Variants in DNM1L observed in about 807,000 individuals in gnomAD.
DNM1L encodes the protein dynamin 1L.
Under a neutral mutation model 92.8 loss-of-function variants are expected in DNM1L, and 33 were observed. The ratio of observed to expected loss-of-function variants is 0.36; its 90% CI spans 0.27 to 0.48. DNM1L has a LOEUF of 0.48. Ranked by LOEUF, DNM1L falls within the 20% of genes least tolerant of loss-of-function variation. The pLI, the probability that DNM1L is intolerant of heterozygous loss-of-function variation, is 0.99. For synonymous variants in DNM1L, 284 were observed against 305.0 expected, an observed-to-expected ratio of 0.93 and a Z score of 0.72; for missense variants, 485 against 888.8, an observed-to-expected ratio of 0.55 and a Z score of 5.78.
In DNM1L at chr12:32,743,389, C is replaced by A; in HGVS notation, c.2190C>A (p.Ile730=). 1 of 1,613,918 alleles carries A rather than the reference C, an allele frequency of 6.2e-7. No homozygotes were observed. Among genetic ancestry groups the A allele is most frequent in the South Asian group, 1.1e-5 (1 of 91,068 alleles). The change falls in exon 20 of 20, where the codon ATC becomes ATA. Residue 730 remains isoleucine, a synonymous_variant. Transcript: ENST00000549701. ...GAGCCAGTCAAATTATTGCTGAAAT[C>A]CGGGAGACTCATCTTTGGTGAAGAG... is the stretch of plus-strand genomic sequence containing the variant. ...LQGASQIIAE[I]RETHLW
chr12:32,689,514 A>T (rs1952150058), intron 1 of DNM1L, among the ~76,000 whole-genome samples: 2 of 152,206 alleles, frequency 1.3e-5, no homozygotes, highest in Non-Finnish European at 2.9e-5. Context: ...AAATACCATA[A>T]GATTAACATT....
intron 14 of DNM1L, 98 bp downstream of exon 14, chr12:32,737,259 C>T: frequency 8.2e-7 from 1 of 1,224,206 alleles, no homozygotes; most frequent in South Asian, 1.3e-5. Flanking sequence ...TCTTCTTTTC[C>T]TCCCTTTAAC....
chr12:32,729,348 T>C (rs1006137587), intron 9 of DNM1L, among the ~76,000 whole-genome samples: 2 of 152,158 alleles, frequency 1.3e-5, no homozygotes, highest in Non-Finnish European at 2.9e-5. Context: ...CCCAAAGTGC[T>C]GGGATTACAG....
intron 14 of DNM1L, chr12:32,737,474 T>G (rs1482835639): frequency 1.8e-5 from 7 of 392,474 alleles, no homozygotes; most frequent in Non-Finnish European, 3.2e-5. Context: ...ACTCAAGATT[T>G]TATTATAATA....
chr12:32,701,762 C>T (rs1035055355), intron 2 of DNM1L, among the ~76,000 whole-genome samples, 200 bp downstream of exon 2: 1 of 151,768 alleles, frequency 6.6e-6, no homozygotes, highest in African/African-American at 2.4e-5. Flanking sequence ...AGGTCTTACT[C>T]TGTCGCCCAG....
intron 2 of DNM1L, chr12:32,705,458 TCTGTAACTGA>T (rs1238905098): frequency 5.6e-6 from 1 of 179,572 alleles, no homozygotes; most frequent in Non-Finnish European, 1.1e-5. Flanking sequence ...AGGAGTTCCA[TCTGTAACTGA>T]CTGAACAGTC....
At chr12:32,701,101 C>G (rs989423278) in intron 1 of DNM1L, among the ~76,000 whole-genome samples, 42 of 152,012 alleles carry the variant, frequency 2.8e-4, no homozygotes, top group Admixed American at 2.0e-3. Flanking sequence ...ATGGAGAAAC[C>G]CCGTCTCTAC....
intron 6 of DNM1L, among the ~76,000 whole-genome samples, chr12:32,714,047 A>G (rs1360371607): frequency 6.6e-6 from 1 of 152,162 alleles, no homozygotes; most frequent in Non-Finnish European, 1.5e-5. Flanking sequence ...TATATATAAA[A>G]TGCTAGCTTG....
Position 32,720,813 on chromosome 12 carries a change from T to C in DNM1L, c.872+18T>C. The C allele has an allele frequency of 6.2e-7, 1 of 1,612,076 alleles. No individual in the cohort carries two copies. On this transcript the variant is annotated intron_variant, in intron 8 of 19. Coordinates refer to ENST00000549701, the MANE Select transcript of DNM1L (RefSeq NM_012062.5). ...CTAAACAGGTAATTTTTTTACCTTT[T>C]GGAAATGAGATGTGTTTGTTTTTAC...
rs534971625 is a variant in DNM1L at position 32,727,299 on chromosome 12, T to G, written c.1080-3715T>G. 1.4e-4 allele frequency: 150 copies of G among 1,052,828 alleles called. No individual in the cohort carries two copies. In the Middle Eastern group the frequency reaches 2.1e-3, roughly 15 times the overall value. The allele number at this position is 1,052,828 out of a possible 1,614,324, so 65.2% of individuals were successfully genotyped here. A position where few individuals can be genotyped will look rare whatever the true frequency, so the allele number is the denominator to read the frequency against. ...GAATTTGGCTTCTATCTGTGCACCT[T>G]TAACTTGCAGGTTTTTGAGAGCATT... On this transcript the variant is annotated intron_variant, in intron 9 of 19. Coordinates refer to ENST00000549701, the MANE Select transcript of DNM1L (RefSeq NM_012062.5).
At chr12:32,695,468 T>G (rs1952405959) in intron 1 of DNM1L, among the ~76,000 whole-genome samples, 1 of 152,094 alleles carries the variant, frequency 6.6e-6, no homozygotes, top group Non-Finnish European at 1.5e-5. Context: ...GATAGTGAAG[T>G]ATTATAAATA....
intron 19 of DNM1L, 138 bp downstream of exon 19, chr12:32,742,886 ATCTTT>A: frequency 1.3e-5 from 8 of 606,272 alleles, no homozygotes; most frequent in African/African-American, 2.3e-5. Flanking sequence ...CTTGATAAGA[ATCTTT>A]TTTTTTTTTT....
At chr12:32,698,788 T>G (rs777373848) in intron 1 of DNM1L, among the ~76,000 whole-genome samples, 2 of 152,222 alleles carry the variant, frequency 1.3e-5, no homozygotes, top group East Asian at 1.9e-4. Context: ...TGATTATTTA[T>G]CGCATTAGCT....
At chr12:32,732,905 T>C (rs1412157493) in intron 12 of DNM1L, among the ~76,000 whole-genome samples, 1 of 152,174 alleles carries the variant, frequency 6.6e-6, no homozygotes, top group Non-Finnish European at 1.5e-5. Context: ...GAGACCAGCC[T>C]GACCAACATG....
chr12:32,717,131 C>CCTAT lies in DNM1L; in HGVS notation c.620-1511_620-1508dup, dbSNP rs1953426384. On this transcript the variant is annotated intron_variant, in intron 6 of 19. Transcript: ENST00000549701. ...TATTTATATATATTTTATATATATA[C>CCTAT]CTATGTATATATATTTGTAACTGAA... Among the ~76,000 whole-genome samples the CCTAT allele has an allele frequency of 2.7e-5, 3 of 110,678 alleles. No homozygotes were observed. The Admixed American group carries it at 3.5e-4, about 13-fold the overall frequency. 72.6% of individuals were successfully genotyped at this position (110,678 alleles called of 152,430 possible). A position where few individuals can be genotyped will look rare whatever the true frequency, so the allele number is the denominator to read the frequency against.
intron 1 of DNM1L, among the ~76,000 whole-genome samples, chr12:32,681,952 C>T (rs1327397917): frequency 6.6e-6 from 1 of 151,736 alleles, no homozygotes; most frequent in Non-Finnish European, 1.5e-5. Context: ...TATGATTCTG[C>T]GATGGCACTC....
At chr12:32,708,564 T>C (rs1050915162) in intron 4 of DNM1L, among the ~76,000 whole-genome samples, 7 of 152,166 alleles carry the variant, frequency 4.6e-5, no homozygotes, top group Non-Finnish European at 8.8e-5. Context: ...TCTGATGGAT[T>C]GATTGTACTC....
chr12:32,716,737 A>AG (rs1953392183), intron 6 of DNM1L, among the ~76,000 whole-genome samples: 1 of 128,694 alleles, frequency 7.8e-6, no homozygotes, highest in African/African-American at 3.2e-5. Flanking sequence ...TATACACTAT[A>AG]TATAGTATAT....
intron 1 of DNM1L, among the ~76,000 whole-genome samples, chr12:32,693,083 G>A (rs1198129138): frequency 6.6e-6 from 1 of 152,174 alleles, no homozygotes; most frequent in African/African-American, 2.4e-5. Context: ...CCAGACTGTA[G>A]GGTATATTTA....
Sources: gnomAD v4.1 joint callset for allele counts (sites outside exome capture counted in the v4.1 genomes callset) on GRCh38, gnomAD v4.1.1 for gene constraint, MANE v1.5 for transcripts, NCBI Gene and HGNC (gene_info 2026-07-23, HGNC 2026-07-21) for gene names.